Variants in SLC24A2 observed in about 807,000 individuals in gnomAD.
SLC24A2 encodes sodium/potassium/calcium exchanger 2.
SLC24A2 carries 36 observed loss-of-function variants against 62.0 expected under a neutral mutation model. That is an observed-to-expected ratio of 0.58 (90% CI 0.44 to 0.77). The LOEUF (loss-of-function observed/expected upper bound fraction) is 0.77. SLC24A2 is among the 30% of genes least tolerant of loss of function. SLC24A2 has a pLI of 0.00. For synonymous variants in SLC24A2, 358 were observed against 294.0 expected (o/e 1.22, Z -2.23); for missense variants, 846 against 817.9 (o/e 1.03, Z -0.42).
At position 19,550,267 on chromosome 9, in the gene SLC24A2, G is replaced by C. The variant is rs755805473; in HGVS notation, c.1349C>G (p.Thr450Ser). The change falls in exon 8 of 11, where the codon ACC becomes AGC. Residue 450 changes from threonine to serine, a missense_variant and splice_region_variant. Transcript: ENST00000341998. ...SHNIEGAEAQ[T>S]ADEEEDQPLS... ...AGGCTGGTCCTCCTCCTCATCAGCG[G>C]TCTGTGGTAGAAAAAGAGGTAAAAT... 2 of 1,614,010 alleles carry C rather than the reference G, an allele frequency of 1.2e-6. No homozygotes were observed. Among genetic ancestry groups the C allele is most frequent in the African/African-American group, 1.3e-5 (1 of 75,024 alleles).
intron 2 of SLC24A2, among the ~76,000 whole-genome samples, chr9:19,731,888 G>A (rs1255105357): frequency 2.6e-5 from 4 of 152,144 alleles, no homozygotes; most frequent in Non-Finnish European, 4.4e-5. Flanking sequence ...GCCTGGCAGC[G>A]TAACCTATAC....
At chr9:19,942,595 G>A in the SLC24A2 span, among the ~76,000 whole-genome samples, 41 of 152,294 alleles carry the variant, frequency 2.7e-4, 1 homozygote, top group South Asian at 1.5e-3. Context: ...ACAGCGCATC[G>A]CATTCTTAAT....
At chr9:19,856,558 G>GGTTT in the SLC24A2 span, among the ~76,000 whole-genome samples, 1 of 152,048 alleles carries the variant, frequency 6.6e-6, no homozygotes, top group Admixed American at 6.6e-5. Context: ...GGGTTTCTGT[G>GGTTT]GTTTTCTGAG....
chr9:20,163,448 A>G, the SLC24A2 span, among the ~76,000 whole-genome samples: 2 of 152,178 alleles, frequency 1.3e-5, no homozygotes, highest in Non-Finnish European at 2.9e-5. Context: ...CTCTTCAAGG[A>G]GAACTACAAA....
chr9:19,659,781 G>A (rs887794037), intron 2 of SLC24A2, among the ~76,000 whole-genome samples: 1 of 152,046 alleles, frequency 6.6e-6, no homozygotes, highest in African/African-American at 2.4e-5. Context: ...TCCTGAAGAG[G>A]CACAGACACA....
At chr9:20,258,815 C>A in the SLC24A2 span, among the ~76,000 whole-genome samples, 1 of 121,122 alleles carries the variant, frequency 8.3e-6, no homozygotes, top group Non-Finnish European at 1.7e-5. Context: ...TATCTATCTA[C>A]CTTATCTATC....
At chr9:19,781,911 T>A (rs1406716314) in intron 2 of SLC24A2, among the ~76,000 whole-genome samples, 2 of 152,220 alleles carry the variant, frequency 1.3e-5, no homozygotes, top group Non-Finnish European at 2.9e-5. Context: ...TGAAGAATGT[T>A]TATAATAATT....
chr9:19,580,675 G>A (rs535228043), intron 5 of SLC24A2, among the ~76,000 whole-genome samples: 1 of 152,202 alleles, frequency 6.6e-6, no homozygotes, highest in African/African-American at 2.4e-5. Context: ...CTTAAATGGA[G>A]GTTAAATGGA....
the SLC24A2 span, among the ~76,000 whole-genome samples, chr9:19,837,628 G>A: frequency 6.6e-6 from 1 of 152,024 alleles, no homozygotes; most frequent in Non-Finnish European, 1.5e-5. Context: ...AAGTCAAATT[G>A]TCCCTGTTTG....
the SLC24A2 span, among the ~76,000 whole-genome samples, chr9:20,060,020 G>A: frequency 6.6e-6 from 1 of 152,026 alleles, no homozygotes; most frequent in Non-Finnish European, 1.5e-5. Context: ...AGAACACTAT[G>A]AACAACTGTA....
chr9:20,044,485 G>T, the SLC24A2 span, among the ~76,000 whole-genome samples: 5 of 152,124 alleles, frequency 3.3e-5, no homozygotes, highest in Admixed American at 6.5e-5. Context: ...GGGAGGCAGG[G>T]TTGTGCTCAT....
chr9:20,068,672 G>T, the SLC24A2 span, among the ~76,000 whole-genome samples: 1 of 152,082 alleles, frequency 6.6e-6, no homozygotes, highest in Non-Finnish European at 1.5e-5. Context: ...CTTGCTTGGG[G>T]GTGCTGGATG....
At chr9:20,132,607 C>G in the SLC24A2 span, among the ~76,000 whole-genome samples, 1 of 152,100 alleles carries the variant, frequency 6.6e-6, no homozygotes, top group East Asian at 1.9e-4. Context: ...TCCACTTTCA[C>G]TAATTCTCAT....
chr9:20,132,758 TA>T, the SLC24A2 span, among the ~76,000 whole-genome samples: 1 of 152,172 alleles, frequency 6.6e-6, no homozygotes, highest in Non-Finnish European at 1.5e-5. Flanking sequence ...TTATAAATGC[TA>T]AAACTTAGGT....
intron 7 of SLC24A2, among the ~76,000 whole-genome samples, chr9:19,557,711 C>G (rs959360716): frequency 3.3e-5 from 5 of 150,422 alleles, no homozygotes; most frequent in Admixed American, 1.3e-4. Flanking sequence ...CAGCCTGGGT[C>G]TGTGGGTCAG....
At chr9:20,269,142 C>A in the SLC24A2 span, among the ~76,000 whole-genome samples, 1 of 152,018 alleles carries the variant, frequency 6.6e-6, no homozygotes, top group South Asian at 2.1e-4. Context: ...AATTTTTATG[C>A]CCCACCTAAG....
the SLC24A2 span, among the ~76,000 whole-genome samples, chr9:20,054,417 C>A: frequency 6.6e-6 from 1 of 152,150 alleles, no homozygotes; most frequent in African/African-American, 2.4e-5. Context: ...GTCTCAAACT[C>A]CCGACCTCAA....
chr9:20,105,648 A>C, the SLC24A2 span, among the ~76,000 whole-genome samples: 1 of 152,088 alleles, frequency 6.6e-6, no homozygotes, highest in Non-Finnish European at 1.5e-5. Flanking sequence ...CTTTGAAACC[A>C]ATGAGAACAA....
At chr9:20,289,608 C>A in the SLC24A2 span, among the ~76,000 whole-genome samples, 1 of 152,184 alleles carries the variant, frequency 6.6e-6, no homozygotes, top group African/African-American at 2.4e-5. Flanking sequence ...ACACAAGCAG[C>A]ACTGAAGACA....
Sources: allele counts gnomAD v4.1 joint callset (sites outside exome capture counted in the v4.1 genomes callset), GRCh38; gene constraint gnomAD v4.1.1; transcripts MANE v1.5; gene names NCBI Gene and HGNC (gene_info 2026-07-23, HGNC 2026-07-21).